The following TMEM120A variants were observed in gnomAD, a reference collection of about 807,000 sequenced individuals.
TMEM120A encodes transmembrane protein 120A.
A neutral mutation model predicts 54.3 loss-of-function variants in TMEM120A; 45 were observed. That is an observed-to-expected ratio of 0.83 (90% CI 0.65 to 1.06). TMEM120A has a LOEUF of 1.06. Ranked by LOEUF, TMEM120A falls within the 50% of genes least tolerant of loss-of-function variation. TMEM120A has a pLI of 0.00. For missense variants in TMEM120A, 424 were observed against 441.7 expected (o/e 0.96, Z 0.36); for synonymous variants, 204 against 178.5 (o/e 1.14, Z -1.14).
Position 75,994,473 on chromosome 7 carries a change from T to C in TMEM120A, c.81+17A>G. 1 of 1,553,346 alleles carries C rather than the reference T, an allele frequency of 6.4e-7. No individual in the cohort carries two copies. The highest frequency in any genetic ancestry group is 8.7e-7 in the Non-Finnish European group (1 of 1,148,980). On this transcript the variant is annotated intron_variant, in intron 1 of 11. Coordinates refer to ENST00000493111, the MANE Select transcript of TMEM120A (RefSeq NM_031925.3). ...GACGCGGCTCGGGGGCGACCCGGCG[T>C]CCGCAGCGGCGCTAACCTGGATGTT...
chr7:75,994,271 A>G (rs1188128388), intron 1 of TMEM120A, among the ~76,000 whole-genome samples: 1 of 152,066 alleles, frequency 6.6e-6, no homozygotes, highest in African/African-American at 2.4e-5. Flanking sequence ...TTGGAAGCCG[A>G]GGTCGCCCAG....
intron 10 of TMEM120A, 29 bp from the exon 11 acceptor site, chr7:75,987,457 A>C (rs782180235): frequency 6.4e-7 from 1 of 1,560,276 alleles, no homozygotes; most frequent in South Asian, 1.2e-5. Flanking sequence ...TTTTACTCAG[A>C]AGACCCAGTC....
Position 75,992,571 on chromosome 7 carries a change from G to A in TMEM120A, c.82-14C>T. ...CCGATGGGTCTCCTGGGGGCCGGAGGGGAGAGGCTCAGGCCAGTTGGGGAG... is the reference window on the plus strand; with the variant it reads ...CCGATGGGTCTCCTGGGGGCCGGAGAGGAGAGGCTCAGGCCAGTTGGGGAG... On this transcript the variant is annotated splice_polypyrimidine_tract_variant and intron_variant, in intron 1 of 11. Coordinates refer to ENST00000493111, the MANE Select transcript of TMEM120A (RefSeq NM_031925.3). 6.5e-7 allele frequency: 1 copy of A among 1,549,168 alleles called. No homozygotes were observed. Among genetic ancestry groups the A allele is most frequent in the Non-Finnish European group, 8.7e-7 (1 of 1,146,568 alleles).
At chr7:75,989,515 C>T (rs1056345511) in intron 3 of TMEM120A, among the ~76,000 whole-genome samples, 18 of 146,960 alleles carry the variant, frequency 1.2e-4, no homozygotes, top group African/African-American at 3.8e-4. Flanking sequence ...CAAGAGAACC[C>T]GGCTCTCCCT....
Position 75,987,050 on chromosome 7 carries a change from A to G in TMEM120A, c.*122T>C, listed in dbSNP as rs1230137171. The G allele has an allele frequency of 9.3e-6, 8 of 859,110 alleles. No individual in the cohort carries two copies. In the East Asian group the frequency reaches 1.3e-4, roughly 14 times the overall value. 53.2% of individuals were successfully genotyped at this position (859,110 alleles called of 1,614,324 possible). On this transcript the variant is annotated 3_prime_UTR_variant, in exon 12 of 12. Coordinates refer to ENST00000493111, the MANE Select transcript of TMEM120A (RefSeq NM_031925.3). ...TCTTCCTTCAGGGCCCACAGCGCCC[A>G]TAAAACCCAAGGGAGAATAGAAGAG...
intron 3 of TMEM120A, among the ~76,000 whole-genome samples, chr7:75,990,742 T>C (rs993607414): frequency 1.3e-5 from 2 of 150,786 alleles, no homozygotes; most frequent in African/African-American, 2.4e-5. Flanking sequence ...AATACAAAAA[T>C]ACAAAAATTA....
At position 75,994,486 on chromosome 7, in the gene TMEM120A, T is replaced by C. The variant is rs1554562731; in HGVS notation, c.81+4A>G. 1.9e-6 allele frequency: 3 copies of C among 1,561,548 alleles called. No individual in the cohort carries two copies. Among genetic ancestry groups the C allele is most frequent in the East Asian group, 4.8e-5 (2 of 41,382 alleles). ...GGCGACCCGGCGTCCGCAGCGGCGC[T>C]AACCTGGATGTTCTGGAAGTCCTGC... On this transcript the variant is annotated splice_donor_region_variant and intron_variant, in intron 1 of 11. Transcript: ENST00000493111.
chr7:75,989,099 G>GTGAGGGGT, intron 4 of TMEM120A, 66 bp downstream of exon 4: 1 of 468,226 alleles, frequency 2.1e-6, no homozygotes, highest in Non-Finnish European at 3.8e-6. Flanking sequence ...GGTTGAGGGG[G>GTGAGGGGT]GGAGGGGGGT....
intron 3 of TMEM120A, 57 bp downstream of exon 3, chr7:75,992,087 C>G (rs782139985): frequency 1.8e-5 from 23 of 1,272,150 alleles, no homozygotes; most frequent in Middle Eastern, 1.9e-4. Context: ...GAGGAGGCAG[C>G]ACCCGGCTTC....
At position 75,986,853 on chromosome 7, in the gene TMEM120A, G is replaced by GTATT; in HGVS notation, c.*315_*318dup. The GTATT allele has an allele frequency of 1.7e-6, 1 of 575,962 alleles. No homozygotes were observed. Among genetic ancestry groups the GTATT allele is most frequent in the Non-Finnish European group, 3.1e-6 (1 of 327,146 alleles). The allele number at this position is 575,962 out of a possible 1,614,324, so 35.7% of individuals were successfully genotyped here. A position where few individuals can be genotyped will look rare whatever the true frequency, so the allele number is the denominator to read the frequency against. ...CCCTTGGAATAAAGTTCTGTTTTCT[G>GTATT]TATTTGCCTGGTATTGTGTGAGTAG... On this transcript the variant is annotated 3_prime_UTR_variant, in exon 12 of 12. Coordinates refer to ENST00000493111, the MANE Select transcript of TMEM120A (RefSeq NM_031925.3).
At chr7:75,989,295 G>T in intron 3 of TMEM120A, 71 bp from the exon 4 acceptor site, 3 of 1,060,442 alleles carry the variant, frequency 2.8e-6, no homozygotes, top group Non-Finnish European at 4.3e-6. Context: ...AGCCAAGCCT[G>T]CCAGGCCAGA....
intron 3 of TMEM120A, among the ~76,000 whole-genome samples, chr7:75,991,709 G>C (rs1789850238): frequency 6.6e-6 from 1 of 152,044 alleles, no homozygotes; most frequent in Non-Finnish European, 1.5e-5. Flanking sequence ...CAGCCTATTT[G>C]TTCTTTTTAA....
In TMEM120A at chr7:75,989,244, G is replaced by A. The variant is rs1554561328; in HGVS notation, c.318-20C>T. ...TACAATCTAGGGAAGGGGGTGGCGG[G>A]GTGAGGAGAAGCCCGAGTGACAGAC... On this transcript the variant is annotated intron_variant, in intron 3 of 11. Coordinates refer to ENST00000493111, the MANE Select transcript of TMEM120A (RefSeq NM_031925.3). 2 of 1,539,236 alleles carry A rather than the reference G, an allele frequency of 1.3e-6. No homozygotes were observed. The highest frequency in any genetic ancestry group is 2.7e-5 in the African/African-American group (2 of 72,894).
In TMEM120A at chr7:75,994,417, G is replaced by A. The variant is rs1299920331; in HGVS notation, c.81+73C>T. ...CTTAGCTCCCCACTGCCTGACCCAG[G>A]GCTGCCCGACCCTTGACCCTGAGCC... On this transcript the variant is annotated intron_variant, in intron 1 of 11. Transcript: ENST00000493111. The A allele has an allele frequency of 1.4e-5, 20 of 1,400,440 alleles. No homozygotes were observed. The East Asian group carries it at 4.3e-4, about 30-fold the overall frequency. 86.8% of individuals were successfully genotyped at this position (1,400,440 alleles called of 1,614,324 possible).
intron 1 of TMEM120A, among the ~76,000 whole-genome samples, 178 bp downstream of exon 1, chr7:75,994,312 A>G (rs1324755890): frequency 6.6e-6 from 1 of 152,076 alleles, no homozygotes; most frequent in East Asian, 1.9e-4. Context: ...GTTCCCGGAC[A>G]CTGGAGGTGG....
intron 4 of TMEM120A, 93 bp from the exon 5 acceptor site, chr7:75,988,609 A>T: frequency 2.0e-6 from 1 of 494,004 alleles, no homozygotes; most frequent in Non-Finnish European, 3.6e-6. Flanking sequence ...GGGTAGTCGG[A>T]TGGAGGAGAA....
In TMEM120A at chr7:75,987,195, G is replaced by T; in HGVS notation, c.1009C>A (p.Arg337=). ...RVVHHKFHSQ[R]HGSKKD Reference sequence around the variant, plus strand: ...CCTCAATCCTTCTTGCTCCCGTGCCGCTGACTGTGAAACTTGTGGTGCACA... The same window carrying T: ...CCTCAATCCTTCTTGCTCCCGTGCCTCTGACTGTGAAACTTGTGGTGCACA... Residue 337 remains arginine, a synonymous_variant, in exon 12 of 12, where the codon CGG becomes AGG. Transcript: ENST00000493111. 1 of 1,605,268 alleles carries T rather than the reference G, an allele frequency of 6.2e-7. No individual in the cohort carries two copies. Among genetic ancestry groups the T allele is most frequent in the East Asian group, 2.2e-5 (1 of 44,588 alleles).
At position 75,988,091 on chromosome 7, in the gene TMEM120A, C is replaced by G; in HGVS notation, c.621G>C (p.Met207Ile). Residue 207 changes from methionine (M) to isoleucine (I), a missense_variant, in exon 7 of 12, where the codon ATG (methionine) becomes ATC (isoleucine). Physicochemically the swap from Met to Ile is conservative, Grantham distance 10 (BLOSUM62 1). Transcript: ENST00000493111. ...GGGGCCCAGCCACTCACCACGTCAG[C>G]ATGACTCCCGACAGGAAGGTGGACA... Reference protein sequence around the residue: ...HYVSTFLSGVMLTWPDGLMYQ... With the variant: ...HYVSTFLSGVILTWPDGLMYQ... 1.2e-6 allele frequency: 2 copies of G among 1,607,926 alleles called. No homozygotes were observed. The highest frequency in any genetic ancestry group is 1.7e-6 in the Non-Finnish European group (2 of 1,177,740).
In TMEM120A at chr7:75,992,220, G is replaced by A; in HGVS notation, c.241C>T (p.Gln81Ter). The A allele has an allele frequency of 6.2e-7, 1 of 1,612,354 alleles. No individual in the cohort carries two copies. Among genetic ancestry groups the A allele is most frequent in the African/African-American group, 1.3e-5 (1 of 75,026 alleles). ...TCTTTCATCTGGTTCTCCAGCTCCT[G>A]TGCGGCCCCCTCGGCCTCTGCTGGG... The part of the protein sequence containing the change: ...SLPAEAEGAA[Q>*]ELENQMKERQ... The change falls in exon 3 of 12, where the codon CAG (glutamine) becomes TAG (stop). Residue 81 changes from glutamine to a stop codon, truncating the protein, a stop_gained. Coordinates refer to ENST00000493111, the MANE Select transcript of TMEM120A (RefSeq NM_031925.3). LOFTEE classifies it high-confidence loss of function.
Sources: gnomAD v4.1 joint callset for allele counts (sites outside exome capture counted in the v4.1 genomes callset) on GRCh38, gnomAD v4.1.1 for gene constraint, MANE v1.5 for transcripts, NCBI Gene and HGNC (gene_info 2026-07-23, HGNC 2026-07-21) for gene names.